CNKSR3: variants seen among roughly 807,000 people sequenced by gnomAD.
CNKSR3 encodes CNKSR family member 3.
A neutral mutation model predicts 67.7 loss-of-function variants in CNKSR3; 36 were observed. The ratio of observed to expected loss-of-function variants is 0.53; its 90% CI spans 0.41 to 0.70. The LOEUF (loss-of-function observed/expected upper bound fraction) is 0.70. Ranked by LOEUF, CNKSR3 falls within the 30% of genes least tolerant of loss-of-function variation. CNKSR3 has a pLI of 0.00. For missense variants in CNKSR3, 630 were observed against 695.2 expected, an observed-to-expected ratio of 0.91 and a Z score of 1.05; for synonymous variants, 281 against 271.4, an observed-to-expected ratio of 1.04 and a Z score of -0.35.
chr6:154,509,932 T>G, intron 1 of CNKSR3, 131 bp downstream of exon 1: 1 of 970,910 alleles, frequency 1.0e-6, no homozygotes, highest in East Asian at 2.4e-5. Flanking sequence ...TCGGCAGAAG[T>G]TTGCATTGTC....
intron 12 of CNKSR3, 121 bp from the exon 13 acceptor site, chr6:154,406,773 T>A (rs1023476819): frequency 1.2e-6 from 1 of 814,424 alleles, no homozygotes; most frequent in Admixed American, 2.8e-5. Flanking sequence ...ATCTAGACCA[T>A]CCTGGCCAAC....
intron 1 of CNKSR3, among the ~76,000 whole-genome samples, chr6:154,464,609 G>A (rs1166691619): frequency 6.6e-6 from 1 of 151,718 alleles, no homozygotes; most frequent in East Asian, 1.9e-4. Context: ...CCAGCTACTC[G>A]GGAGGCTGAG....
chr6:154,498,483 A>C (rs1310265987), intron 1 of CNKSR3, among the ~76,000 whole-genome samples: 1 of 152,188 alleles, frequency 6.6e-6, no homozygotes, highest in Admixed American at 6.5e-5. Context: ...TCACATCCAC[A>C]ATCAGCAGAA....
intron 12 of CNKSR3, among the ~76,000 whole-genome samples, chr6:154,407,915 C>T (rs957970439): frequency 7.4e-6 from 1 of 134,320 alleles, no homozygotes; most frequent in African/African-American, 2.8e-5. Context: ...CCAACAGTGG[C>T]ACGTTGAATA....
chr6:154,462,908 C>G (rs1418203588), intron 1 of CNKSR3, among the ~76,000 whole-genome samples: 1 of 152,152 alleles, frequency 6.6e-6, no homozygotes, highest in African/African-American at 2.4e-5. Context: ...CATTTCGCCA[C>G]CTGCACTGCC....
rs1448014596 is a variant in CNKSR3 at position 154,393,925 on chromosome 6, C to T, written c.*12429G>A. ...TAGAAAAGAGTTGTAAATTAATAAGCTAAATATCCAACTTAAGAAACATGT... is the reference window on the plus strand; with the variant it reads ...TAGAAAAGAGTTGTAAATTAATAAGTTAAATATCCAACTTAAGAAACATGT... On this transcript the variant is annotated 3_prime_UTR_variant, in exon 13 of 13. Transcript: ENST00000607772. 8 of 152,206 alleles carry T rather than the reference C, an allele frequency of 5.3e-5. No individual in the cohort carries two copies. The East Asian group carries it at 1.5e-3, about 29-fold the overall frequency. The allele number at this position is 152,206 out of a possible 1,614,324, so 9.4% of individuals were successfully genotyped here. A position where few individuals can be genotyped will look rare whatever the true frequency, so the allele number is the denominator to read the frequency against.
intron 1 of CNKSR3, among the ~76,000 whole-genome samples, chr6:154,507,878 C>G (rs1242026419): frequency 6.6e-6 from 1 of 152,162 alleles, no homozygotes; most frequent in Non-Finnish European, 1.5e-5. Context: ...AATCTACTTT[C>G]CCTTTTAAAT....
chr6:154,448,612 C>T (rs1468247022), intron 2 of CNKSR3, among the ~76,000 whole-genome samples: 1 of 151,984 alleles, frequency 6.6e-6, no homozygotes, highest in Non-Finnish European at 1.5e-5. Flanking sequence ...TGTAGCAGAG[C>T]CAGGATTAGA....
chr6:154,468,393 T>TACACACACACACACACACAC (rs55806681), intron 1 of CNKSR3, among the ~76,000 whole-genome samples: 8 of 137,218 alleles, frequency 5.8e-5, no homozygotes, highest in Non-Finnish European at 9.4e-5. Flanking sequence ...ATATATTTTA[T>TACACACACACACACACACAC]ACACACACAC....
chr6:154,496,336 C>T (rs1057509533), intron 1 of CNKSR3, among the ~76,000 whole-genome samples: 1 of 142,256 alleles, frequency 7.0e-6, no homozygotes, highest in Non-Finnish European at 1.6e-5. Flanking sequence ...CTTGAGGGGT[C>T]ACAACCCTGG....
chr6:154,466,802 T>A (rs111878081), intron 1 of CNKSR3, among the ~76,000 whole-genome samples: 7 of 151,186 alleles, frequency 4.6e-5, no homozygotes, highest in Admixed American at 6.6e-5. Flanking sequence ...TTGTTTTTTT[T>A]TTTTATAGAG....
intron 1 of CNKSR3, among the ~76,000 whole-genome samples, chr6:154,458,295 T>C (rs1786001387): frequency 6.6e-6 from 1 of 152,190 alleles, no homozygotes; most frequent in African/African-American, 2.4e-5. Context: ...GTTTTTCTTT[T>C]TTTGTTGTAT....
chr6:154,505,529 A>T (rs1307027975), intron 1 of CNKSR3, among the ~76,000 whole-genome samples: 2 of 145,628 alleles, frequency 1.4e-5, no homozygotes, highest in East Asian at 4.3e-4. Context: ...ACAGAGTCTC[A>T]CTCTGTCGCC....
intron 12 of CNKSR3, among the ~76,000 whole-genome samples, chr6:154,409,650 C>T (rs1175328744): frequency 2.0e-5 from 3 of 152,104 alleles, no homozygotes; most frequent in African/African-American, 7.2e-5. Flanking sequence ...CCCAGGAGTT[C>T]AAGGCCAGCC....
intron 1 of CNKSR3, among the ~76,000 whole-genome samples, chr6:154,453,462 G>A (rs1785881267): frequency 6.6e-6 from 1 of 152,166 alleles, no homozygotes; most frequent in Non-Finnish European, 1.5e-5. Flanking sequence ...GATTATGAGA[G>A]AATAGAAGCA....
intron 9 of CNKSR3, among the ~76,000 whole-genome samples, chr6:154,419,617 C>G (rs2128713310): frequency 6.6e-6 from 1 of 152,290 alleles, no homozygotes. Flanking sequence ...AAAAAGCAGC[C>G]TCACTACTGG....
rs1490813034 is a variant in CNKSR3 at position 154,403,436 on chromosome 6, AAT to A, written c.*2916_*2917del. On this transcript the variant is annotated 3_prime_UTR_variant, in exon 13 of 13. Transcript: ENST00000607772. ...AAAAAAAAAAAATTTTTTTTAAAGA[AAT>A]AAAAATAAAGAATCCTGTCAAAAAG... 1 of 151,936 alleles carries A rather than the reference AAT, an allele frequency of 6.6e-6. No homozygotes were observed. The highest frequency in any genetic ancestry group is 2.4e-5 in the African/African-American group (1 of 41,368). 9.4% of individuals were successfully genotyped at this position (151,936 alleles called of 1,614,324 possible). A position where few individuals can be genotyped will look rare whatever the true frequency, so the allele number is the denominator to read the frequency against.
intron 1 of CNKSR3, among the ~76,000 whole-genome samples, chr6:154,505,630 T>C (rs1787085014): frequency 6.6e-6 from 1 of 151,052 alleles, no homozygotes. Flanking sequence ...CCCGAGTAGC[T>C]GGGACTACAG....
intron 9 of CNKSR3, chr6:154,414,665 C>G: frequency 1.7e-6 from 1 of 591,716 alleles, no homozygotes; most frequent in South Asian, 1.5e-5. Context: ...GAGCCAGGTG[C>G]CAGGGTTATG....
Sources: gnomAD v4.1 joint callset for allele counts (sites outside exome capture counted in the v4.1 genomes callset) on GRCh38, gnomAD v4.1.1 for gene constraint, MANE v1.5 for transcripts, NCBI Gene and HGNC (gene_info 2026-07-23, HGNC 2026-07-21) for gene names.